ACTR5: variants seen among roughly 807,000 people sequenced by gnomAD.
ACTR5 encodes actin related protein 5.
ACTR5 carries 43 observed loss-of-function variants against 61.2 expected under a neutral mutation model. The ratio of observed to expected loss-of-function variants is 0.70; its 90% CI spans 0.55 to 0.91. The LOEUF (loss-of-function observed/expected upper bound fraction) is 0.91. Ranked by LOEUF, ACTR5 falls within the 40% of genes least tolerant of loss-of-function variation. The pLI, the probability that ACTR5 is intolerant of heterozygous loss-of-function variation, is 0.00. For synonymous variants in ACTR5, 333 were observed against 310.5 expected (o/e 1.07, Z -0.76); for missense variants, 798 against 782.2 (o/e 1.02, Z -0.24).
At chr20:38,759,758 G>A (rs1445036567) in intron 5 of ACTR5, among the ~76,000 whole-genome samples, 1 of 152,140 alleles carries the variant, frequency 6.6e-6, no homozygotes, top group Non-Finnish European at 1.5e-5. Flanking sequence ...AAAAAATGAG[G>A]GCTATAGCAC....
chr20:38,771,688 A>G lies in ACTR5; in HGVS notation c.1696A>G (p.Lys566Glu). The part of the protein sequence containing the change: ...EYEEKGGEYL[K>E]EHCASNIYVP... ...TGAAGAAAAGGGAGGAGAGTACCTC[A>G]AGGAGCACTGTGCTTCCAACATCTA... The change falls in exon 9 of 9, where the codon AAG becomes GAG. Residue 566 changes from lysine (K) to glutamate (E), a missense_variant. Transcript: ENST00000243903. 6.2e-7 allele frequency: 1 copy of G among 1,614,184 alleles called. No homozygotes were observed. Among genetic ancestry groups the G allele is most frequent in the Non-Finnish European group, 8.5e-7 (1 of 1,180,028 alleles).
In ACTR5 at chr20:38,750,132, C is replaced by T; in HGVS notation, c.498C>T (p.Asp166=). ...TTCCCAAGGTTGCCTATGGAATAGACAGCCTCTTCAGCTTCTACCACAATA... is the reference window on the plus strand; with the variant it reads ...TTCCCAAGGTTGCCTATGGAATAGATAGCCTCTTCAGCTTCTACCACAATA... ...YGIPKVAYGI[D]SLFSFYHNKP... Residue 166 remains aspartate, a synonymous_variant, in exon 2 of 9, where the codon GAC becomes GAT. Coordinates refer to ENST00000243903, the MANE Select transcript of ACTR5 (RefSeq NM_024855.4). 1.2e-6 allele frequency: 2 copies of T among 1,614,180 alleles called. No individual in the cohort carries two copies. Among genetic ancestry groups the T allele is most frequent in the South Asian group, 1.1e-5 (1 of 91,080 alleles).
chr20:38,768,252 G>A (rs1343644557), intron 8 of ACTR5, among the ~76,000 whole-genome samples: 1 of 152,176 alleles, frequency 6.6e-6, no homozygotes, highest in Non-Finnish European at 1.5e-5. Flanking sequence ...TCAGTGTACT[G>A]GTGCCTGTCA....
At chr20:38,755,394 C>T (rs2084414109) in intron 4 of ACTR5, among the ~76,000 whole-genome samples, 1 of 152,148 alleles carries the variant, frequency 6.6e-6, no homozygotes, top group African/African-American at 2.4e-5. Context: ...ACCTTATAAA[C>T]TCCTTTATGT....
intron 5 of ACTR5, among the ~76,000 whole-genome samples, chr20:38,758,114 C>A (rs1039006836): frequency 4.6e-5 from 7 of 151,616 alleles, no homozygotes; most frequent in East Asian, 1.9e-4. Context: ...GGAAAAAAAA[C>A]CAAACAGCTG....
At chr20:38,751,715 T>G (rs1398442231) in intron 2 of ACTR5, among the ~76,000 whole-genome samples, 2 of 152,202 alleles carry the variant, frequency 1.3e-5, no homozygotes, top group Non-Finnish European at 2.9e-5. Context: ...AAGGGAGGGC[T>G]TCTTAAACTC....
intron 3 of ACTR5, among the ~76,000 whole-genome samples, chr20:38,754,726 T>C (rs924665525): frequency 4.6e-4 from 70 of 151,906 alleles, no homozygotes; most frequent in Middle Eastern, 3.4e-3. Flanking sequence ...GTACCTGGGA[T>C]CACAGGTGCC....
At chr20:38,762,736 C>T (rs2084462602) in intron 5 of ACTR5, among the ~76,000 whole-genome samples, 1 of 152,048 alleles carries the variant, frequency 6.6e-6, no homozygotes, top group Non-Finnish European at 1.5e-5. Flanking sequence ...GAAAGGTCAT[C>T]ACTTGGATTG....
chr20:38,748,485 G>A lies in ACTR5; in HGVS notation c.7G>A (p.Ala3Thr). 1.3e-6 allele frequency: 2 copies of A among 1,487,584 alleles called. No individual in the cohort carries two copies. Among genetic ancestry groups the A allele is most frequent in the Non-Finnish European group, 1.8e-6 (2 of 1,126,428 alleles). The allele number at this position is 1,487,584 out of a possible 1,614,324, so 92.1% of individuals were successfully genotyped here. ...GCTGGACGCGCGCTCCAAGATGGCG[G>A]CGAACGTGTTCCCGTTCCGCGACGC... The part of the protein sequence containing the change: MA[A>T]NVFPFRDARA... Residue 3 changes from alanine to threonine, a missense_variant, in exon 1 of 9, where the codon GCG (alanine) becomes ACG (threonine). Transcript: ENST00000243903.
chr20:38,768,784 A>T (rs995540442), intron 8 of ACTR5, among the ~76,000 whole-genome samples: 7 of 152,174 alleles, frequency 4.6e-5, no homozygotes, highest in Non-Finnish European at 2.9e-5. Context: ...CACCCTTGTA[A>T]GTATGCCTTT....
In ACTR5 at chr20:38,752,279, A is replaced by C; in HGVS notation, c.754A>C (p.Ile252Leu). The change falls in exon 3 of 9, where the codon ATC becomes CTC. Residue 252 changes from isoleucine to leucine, a missense_variant. By Grantham distance (5) the Ile-to-Leu change is conservative. Coordinates refer to ENST00000243903, the MANE Select transcript of ACTR5 (RefSeq NM_024855.4). ...MEEILHEHSY[I>L]AEDYVEELHK... The stretch of plus-strand genomic sequence containing the variant: ...GGAGATTCTGCATGAGCACAGCTAC[A>C]TCGCTGAGGATTATGTGGAAGGTAT... 3 of 1,610,564 alleles carry C rather than the reference A, an allele frequency of 1.9e-6. No individual in the cohort carries two copies. Among genetic ancestry groups the C allele is most frequent in the Non-Finnish European group, 2.5e-6 (3 of 1,177,226 alleles).
intron 5 of ACTR5, 21 bp downstream of exon 5, chr20:38,756,060 G>A (rs766810765): frequency 1.8e-5 from 29 of 1,597,766 alleles, no homozygotes; most frequent in Non-Finnish European, 2.4e-5. Flanking sequence ...GCCTTGGAAG[G>A]AGCAGCCCTT....
chr20:38,755,177 A>G lies in ACTR5; in HGVS notation c.993+3A>G. The G allele has an allele frequency of 6.3e-7, 1 of 1,593,714 alleles. No homozygotes were observed. ...TGGACCGACTGCTATATGTGCAGGTAATAGCAGACACAGGGACGGGCGCCC... is the reference window on the plus strand; with the variant it reads ...TGGACCGACTGCTATATGTGCAGGTGATAGCAGACACAGGGACGGGCGCCC... On this transcript the variant is annotated splice_donor_region_variant and intron_variant, in intron 4 of 8. Coordinates refer to ENST00000243903, the MANE Select transcript of ACTR5 (RefSeq NM_024855.4).
In ACTR5 at chr20:38,750,187, A is replaced by G. The variant is rs1202164711; in HGVS notation, c.553A>G (p.Ile185Val). The change falls in exon 2 of 9, where the codon ATC becomes GTC. Residue 185 changes from isoleucine to valine, a missense_variant. Transcript: ENST00000243903. Reference protein sequence around the residue: ...KPKNSMCSGLIISSGYQCTHV... With the variant: ...KPKNSMCSGLVISSGYQCTHV... ...AAAGAACTCGATGTGCAGTGGGCTA[A>G]TCATTTCATCTGGATACCAGTGTAC... 3 of 1,614,248 alleles carry G rather than the reference A, an allele frequency of 1.9e-6. No homozygotes were observed. Among genetic ancestry groups the G allele is most frequent in the South Asian group, 1.1e-5 (1 of 91,090 alleles).
chr20:38,748,498 C>T lies in ACTR5; in HGVS notation c.20C>T (p.Pro7Leu), dbSNP rs1347517843. MAANVF[P>L]FRDARAAPDP... ...TCCAAGATGGCGGCGAACGTGTTCC[C>T]GTTCCGCGACGCCCGTGCCGCACCG... The change falls in exon 1 of 9, where the codon CCG (proline) becomes CTG (leucine). Residue 7 changes from proline to leucine, a missense_variant. Coordinates refer to ENST00000243903, the MANE Select transcript of ACTR5 (RefSeq NM_024855.4). The T allele has an allele frequency of 6.0e-6, 9 of 1,494,104 alleles. No homozygotes were observed. Among genetic ancestry groups the T allele is most frequent in the South Asian group, 2.5e-5 (2 of 79,620 alleles). The allele number at this position is 1,494,104 out of a possible 1,614,324, so 92.6% of individuals were successfully genotyped here.
At chr20:38,767,261 T>G (rs936246591) in intron 7 of ACTR5, among the ~76,000 whole-genome samples, 7 of 152,206 alleles carry the variant, frequency 4.6e-5, no homozygotes, top group Non-Finnish European at 1.5e-5. Context: ...ACCATTCAGA[T>G]TACGGTTTTG....
Position 38,752,919 on chromosome 20 carries a change from CT to C in ACTR5, c.775+629del, listed in dbSNP as rs113793312. Among the ~76,000 whole-genome samples the C allele has an allele frequency of 1.5e-4, 22 of 149,958 alleles. No homozygotes were observed. In the East Asian group the frequency reaches 2.1e-3, roughly 15 times the overall value. Reference sequence around the variant, plus strand: ...AGCTCCTGAAGGACAAAAACTGCATCTTTTTTTTTTAATTGTGAAAACCATA... The same window carrying C: ...AGCTCCTGAAGGACAAAAACTGCATCTTTTTTTTTAATTGTGAAAACCATA... On this transcript the variant is annotated intron_variant, in intron 3 of 8. Transcript: ENST00000243903.
chr20:38,764,414 A>C (rs561623365), intron 5 of ACTR5, among the ~76,000 whole-genome samples: 13 of 152,348 alleles, frequency 8.5e-5, no homozygotes, highest in Non-Finnish European at 8.8e-5. Flanking sequence ...AGATGGCTAA[A>C]GATGTCTTTC....
rs2084479425 is a variant in ACTR5, at chr20:38,765,305, A to G, written c.1177-97A>G. The G allele has an allele frequency of 4.6e-6, 4 of 864,186 alleles. No homozygotes were observed. In the Admixed American group the frequency reaches 8.6e-5, roughly 19 times the overall value. The allele number at this position is 864,186 out of a possible 1,614,324, so 53.5% of individuals were successfully genotyped here. ...TAGTTTTTATGTAAGGTTTTAGAACATTGGGCAAGATCCCAGTTCTTTTTT... is the reference window on the plus strand; with the variant it reads ...TAGTTTTTATGTAAGGTTTTAGAACGTTGGGCAAGATCCCAGTTCTTTTTT... On this transcript the variant is annotated intron_variant, in intron 5 of 8. Coordinates refer to ENST00000243903, the MANE Select transcript of ACTR5 (RefSeq NM_024855.4).
Sources: gnomAD v4.1 joint callset for allele counts (sites outside exome capture counted in the v4.1 genomes callset) on GRCh38, gnomAD v4.1.1 for gene constraint, MANE v1.5 for transcripts, NCBI Gene and HGNC (gene_info 2026-07-23, HGNC 2026-07-21) for gene names.